The following ROBO1 variants were observed in gnomAD, a reference collection of about 807,000 sequenced individuals.
ROBO1 encodes roundabout homolog 1.
ROBO1 carries 149 observed loss-of-function variants against 195.9 expected under a neutral mutation model. That is an observed-to-expected ratio of 0.76 (90% CI 0.67 to 0.87). The LOEUF (loss-of-function observed/expected upper bound fraction) is 0.87, where lower values mean the gene tolerates loss of function less well. Among genes scored for constraint, ROBO1 ranks in the 40% least tolerant of loss-of-function variants. The pLI is 0.00. For synonymous variants in ROBO1, 816 were observed against 733.2 expected (o/e 1.11, Z -1.82); for missense variants, 1,933 against 2,068.3 (o/e 0.93, Z 1.27).
intron 3 of ROBO1, 115 bp downstream of exon 3, chr3:79,125,341 G>C: frequency 1.3e-6 from 1 of 797,088 alleles, no homozygotes; most frequent in Non-Finnish European, 2.1e-6. Context: ...ATGAGAAATT[G>C]TGGTTGTTAG....
chr3:79,493,267 A>G (rs1228759729), intron 2 of ROBO1, among the ~76,000 whole-genome samples: 1 of 152,042 alleles, frequency 6.6e-6, no homozygotes, highest in Non-Finnish European at 1.5e-5. Flanking sequence ...CTACAAAAAC[A>G]TAATTTTTGA....
chr3:79,489,055 TATG>T (rs1939308361), intron 2 of ROBO1, among the ~76,000 whole-genome samples: 1 of 151,158 alleles, frequency 6.6e-6, no homozygotes, highest in African/African-American at 2.5e-5. Context: ...AAAATGATTT[TATG>T]ATATTATTAG....
At position 78,938,914 on chromosome 3, in the gene ROBO1, A is replaced by G. The variant is rs369686421; in HGVS notation, c.186T>C (p.Arg62=). The part of the protein sequence containing the change: ...NSLGYTGSRL[R]QEDFPPRIVE... ...CAATGCGAGGTGGAAAATCTTCCTG[A>G]CGAAGACGGGAGCCTGCAGAAGAAT... Residue 62 remains arginine (R), a synonymous_variant, in exon 4 of 31, where the codon CGT becomes CGC. Coordinates refer to ENST00000464233, the MANE Select transcript of ROBO1 (RefSeq NM_002941.4). 2 of 1,607,946 alleles carry G rather than the reference A, an allele frequency of 1.2e-6. No individual in the cohort carries two copies. The highest frequency in any genetic ancestry group is 1.1e-5 in the South Asian group (1 of 90,382).
intron 4 of ROBO1, among the ~76,000 whole-genome samples, chr3:78,876,750 C>T (rs975830230): frequency 6.6e-6 from 1 of 152,182 alleles, no homozygotes; most frequent in African/African-American, 2.4e-5. Context: ...TATAGGAATA[C>T]ATCCTGGGAA....
At chr3:79,221,618 C>T (rs754383985) in intron 2 of ROBO1, among the ~76,000 whole-genome samples, 17 of 152,060 alleles carry the variant, frequency 1.1e-4, no homozygotes, top group Non-Finnish European at 2.2e-4. Context: ...ATGGCTTTGC[C>T]AATTCCAAAT....
At chr3:79,212,743 C>CCCAGAG (rs1404867521) in intron 2 of ROBO1, among the ~76,000 whole-genome samples, 1 of 151,440 alleles carries the variant, frequency 6.6e-6, no homozygotes, top group African/African-American at 2.4e-5. Context: ...TTGCTTGAAC[C>CCCAGAG]CCAGAGGCAG....
chr3:78,828,149 C>T, intron 4 of ROBO1, among the ~76,000 whole-genome samples: 1 of 152,160 alleles, frequency 6.6e-6, no homozygotes, highest in East Asian at 1.9e-4. Context: ...GGTAGATTAG[C>T]TTATCCAGTA....
At chr3:79,612,425 A>G (rs1423874481) in intron 1 of ROBO1, among the ~76,000 whole-genome samples, 2 of 151,074 alleles carry the variant, frequency 1.3e-5, no homozygotes, top group African/African-American at 4.9e-5. Context: ...AATCCAGTCT[A>G]TCATTGTTGG....
chr3:79,336,647 G>A (rs1344403213), intron 2 of ROBO1, among the ~76,000 whole-genome samples: 2 of 152,216 alleles, frequency 1.3e-5, no homozygotes, highest in Non-Finnish European at 2.9e-5. Context: ...GAAATGTGGA[G>A]TTGGAACCCC....
intron 1 of ROBO1, among the ~76,000 whole-genome samples, chr3:79,603,481 A>G (rs937529571): frequency 3.3e-5 from 5 of 151,920 alleles, no homozygotes; most frequent in South Asian, 2.1e-4. Context: ...CTCTATCCTG[A>G]GATGTGAGTA....
chr3:79,287,144 G>T (rs1430684882), intron 2 of ROBO1, among the ~76,000 whole-genome samples: 1 of 152,082 alleles, frequency 6.6e-6, no homozygotes, highest in East Asian at 1.9e-4. Context: ...TGTTGAAGAG[G>T]GTTCGTAATA....
At chr3:79,099,097 C>T (rs2079626493) in intron 3 of ROBO1, among the ~76,000 whole-genome samples, 1 of 151,694 alleles carries the variant, frequency 6.6e-6, no homozygotes, top group Admixed American at 6.6e-5. Flanking sequence ...CTCTTCTAAG[C>T]CCTAATCTTT....
intron 3 of ROBO1, among the ~76,000 whole-genome samples, chr3:79,124,571 C>A (rs747237881): frequency 1.3e-5 from 2 of 152,060 alleles, no homozygotes; most frequent in Non-Finnish European, 2.9e-5. Context: ...CCTAACTACC[C>A]CACCTCATAC....
intron 3 of ROBO1, among the ~76,000 whole-genome samples, chr3:79,045,837 T>G (rs1394501250): frequency 3.3e-5 from 5 of 152,180 alleles, no homozygotes. Flanking sequence ...AAGCTTTCTC[T>G]AGTCTGGAGG....
At chr3:79,569,548 GTCAAC>G (rs1943203013) in intron 2 of ROBO1, among the ~76,000 whole-genome samples, 1 of 151,868 alleles carries the variant, frequency 6.6e-6, no homozygotes. Context: ...ACATTAATAG[GTCAAC>G]TCAAGTAAAA....
intron 2 of ROBO1, among the ~76,000 whole-genome samples, chr3:79,203,743 T>A (rs968822445): frequency 3.9e-5 from 6 of 152,166 alleles, no homozygotes; most frequent in African/African-American, 1.4e-4. Context: ...CAGTTCACGA[T>A]TTGCATTGTT....
At chr3:78,760,173 T>C (rs1216231084) in intron 4 of ROBO1, among the ~76,000 whole-genome samples, 1 of 152,184 alleles carries the variant, frequency 6.6e-6, no homozygotes, top group Non-Finnish European at 1.5e-5. Context: ...CCTTCCGCCA[T>C]GATTGTGAGG....
chr3:78,671,590 C>T (rs1363529523), intron 10 of ROBO1, among the ~76,000 whole-genome samples: 9 of 148,542 alleles, frequency 6.1e-5, no homozygotes, highest in African/African-American at 2.2e-4. Context: ...TTTGTGCATG[C>T]AAACTAAAAA....
intron 2 of ROBO1, among the ~76,000 whole-genome samples, chr3:79,275,762 T>C (rs990821443): frequency 1.3e-5 from 2 of 151,928 alleles, no homozygotes; most frequent in Non-Finnish European, 2.9e-5. Context: ...CTATTGGAAC[T>C]GAAAAACAAA....
Sources: allele counts gnomAD v4.1 joint callset (sites outside exome capture counted in the v4.1 genomes callset), GRCh38; gene constraint gnomAD v4.1.1; transcripts MANE v1.5; gene names NCBI Gene and HGNC (gene_info 2026-07-23, HGNC 2026-07-21).